The following ABHD1 variants were observed in gnomAD, a reference collection of about 807,000 sequenced individuals.
The protein encoded by ABHD1 is protein ABHD1.
A neutral mutation model predicts 41.4 loss-of-function variants in ABHD1; 47 were observed. That is an observed-to-expected ratio of 1.13 (90% confidence interval 0.90 to 1.45). ABHD1 has a LOEUF of 1.45. Among genes scored for constraint, ABHD1 ranks in the 40% most tolerant of loss-of-function variants. ABHD1 has a pLI of 0.00. For missense variants in ABHD1, 550 were observed against 503.4 expected, an observed-to-expected ratio of 1.09 and a Z score of -0.89; for synonymous variants, 205 against 203.7, an observed-to-expected ratio of 1.01 and a Z score of -0.05.
chr2:27,129,705 C>A, intron 5 of ABHD1, 49 bp from the exon 6 acceptor site: 1 of 1,611,108 alleles, frequency 6.2e-7, no homozygotes, highest in Non-Finnish European at 8.5e-7. Flanking sequence ...CTGTCCCAAC[C>A]CACATTAATG....
At chr2:27,127,236 C>CT (rs61505752) in intron 1 of ABHD1, among the ~76,000 whole-genome samples, 15,860 of 82,696 alleles carry the variant, frequency 0.19, 3,028 homozygotes, top group Non-Finnish European at 0.27. Context: ...GTAGCTTCAT[C>CT]TTTTTTTTTT....
chr2:27,128,690 T>C, intron 2 of ABHD1, 89 bp downstream of exon 2: 1 of 1,534,444 alleles, frequency 6.5e-7, no homozygotes, highest in South Asian at 1.2e-5. Flanking sequence ...GTAATCTGCC[T>C]CATCTACATC....
Position 27,129,966 on chromosome 2 carries a change from T to A in ABHD1, c.791+39T>A, listed in dbSNP as rs1033579262. 2.5e-6 allele frequency: 4 copies of A among 1,612,638 alleles called. No homozygotes were observed. The African/African-American group carries it at 4.0e-5, about 16-fold the overall frequency. On this transcript the variant is annotated intron_variant, in intron 6 of 8. Transcript: ENST00000316470. ...AAGTGGGAGGAGGCAGTAGACAGAG[T>A]AGGATGGCAGACACTCCAGGCTCTC...
At chr2:27,128,868 G>A (rs1301919756) in intron 2 of ABHD1, 77 bp from the exon 3 acceptor site, 2 of 1,502,018 alleles carry the variant, frequency 1.3e-6, no homozygotes, top group Non-Finnish European at 9.0e-7. Flanking sequence ...TTGTTTGTGG[G>A]TGGGGCAGGG....
rs1478109429 is a variant in ABHD1 at position 27,130,397 on chromosome 2, C to A, written c.987C>A (p.Asp329Glu). ...TGCTCTATCTCAGTGCAGCAGATGA[C>A]CCCTTCTCCCCCGTCTGTGGTGAGT... ...IPVLYLSAAD[D>E]PFSPVCALPI... The change falls in exon 8 of 9, where the codon GAC becomes GAA. Residue 329 changes from aspartate to glutamate, a missense_variant. Transcript: ENST00000316470. The A allele has an allele frequency of 6.2e-7, 1 of 1,614,168 alleles. No individual in the cohort carries two copies. Among genetic ancestry groups the A allele is most frequent in the Non-Finnish European group, 8.5e-7 (1 of 1,180,028 alleles).
intron 1 of ABHD1, 52 bp from the exon 2 acceptor site, chr2:27,128,389 C>A: frequency 6.2e-7 from 1 of 1,611,058 alleles, no homozygotes; most frequent in Non-Finnish European, 8.5e-7. Flanking sequence ...GGGTGCCTCA[C>A]TAGCTTGGTG....
rs745366093 is a variant in ABHD1 at position 27,130,778 on chromosome 2, T to C, written c.*34T>C. ...CCATTTGGGGTCTCAGTTCACTCTT[T>C]CCTTGTTTATTAAATATCAACTTTT... is the stretch of plus-strand genomic sequence containing the variant. On this transcript the variant is annotated 3_prime_UTR_variant, in exon 9 of 9. Coordinates refer to ENST00000316470, the MANE Select transcript of ABHD1 (RefSeq NM_032604.4). The C allele has an allele frequency of 2.5e-6, 4 of 1,597,532 alleles. No homozygotes were observed. Among genetic ancestry groups the C allele is most frequent in the African/African-American group, 1.3e-5 (1 of 74,632 alleles).
Position 27,128,971 on chromosome 2 carries a change from G to A in ABHD1, c.302G>A (p.Gly101Asp), listed in dbSNP as rs1672096095. The change falls in exon 3 of 9, where the codon GGC becomes GAC. Residue 101 changes from glycine (G) to aspartate (D), a missense_variant. By Grantham distance (94) the Gly-to-Asp change is moderately conservative. Transcript: ENST00000316470. Reference sequence around the variant, plus strand: ...GACATCCTCCAAACACCAGATGGAGGCCAGCTCCTGCTAGACTGGGCCAAG... The same window carrying A: ...GACATCCTCCAAACACCAGATGGAGACCAGCTCCTGCTAGACTGGGCCAAG... ...QSDILQTPDG[G>D]QLLLDWAKQP... The A allele has an allele frequency of 1.9e-6, 3 of 1,614,018 alleles. No homozygotes were observed. Among genetic ancestry groups the A allele is most frequent in the East Asian group, 2.2e-5 (1 of 44,884 alleles).
Position 27,124,051 on chromosome 2 carries a change from T to C in ABHD1, c.103T>C (p.Cys35Arg), listed in dbSNP as rs550557997. 9.9e-6 allele frequency: 16 copies of C among 1,614,160 alleles called. No homozygotes were observed. Among genetic ancestry groups the C allele is most frequent in the Admixed American group, 6.7e-5 (4 of 60,028 alleles). ...VALYLGYYWA[C>R]VLQRPRLVAG... ...CCTCTACTTGGGCTACTACTGGGCATGTGTGCTTCAGGTGGGTGCGGGTCC... is the reference window on the plus strand; with the variant it reads ...CCTCTACTTGGGCTACTACTGGGCACGTGTGCTTCAGGTGGGTGCGGGTCC... The change falls in exon 1 of 9, where the codon TGT becomes CGT. Residue 35 changes from cysteine (C) to arginine (R), a missense_variant. Transcript: ENST00000316470.
At position 27,129,852 on chromosome 2, in the gene ABHD1, G is replaced by A. The variant is rs754948236; in HGVS notation, c.716G>A (p.Arg239His). Reference sequence around the variant, plus strand: ...TGCTGGGATTCCTTTGAGACCACTCGCTCCCTGGAAACCCCACTCAACTCA... The same window carrying A: ...TGCTGGGATTCCTTTGAGACCACTCACTCCCTGGAAACCCCACTCAACTCA... The part of the protein sequence containing the change: ...SACWDSFETT[R>H]SLETPLNSLL... Residue 239 changes from arginine (R) to histidine (H), a missense_variant, in exon 6 of 9, where the codon CGC becomes CAC. Physicochemically the swap from Arg to His is conservative, Grantham distance 29. Transcript: ENST00000316470. 23 of 1,614,012 alleles carry A rather than the reference G, an allele frequency of 1.4e-5. No individual in the cohort carries two copies. The highest frequency in any genetic ancestry group is 6.6e-5 in the South Asian group (6 of 91,088).
At chr2:27,125,524 A>G (rs1400861855) in intron 1 of ABHD1, 2 of 152,206 alleles carry the variant, frequency 1.3e-5, no homozygotes, top group African/African-American at 4.8e-5. Context: ...AAATCAAATT[A>G]ACCCACATAA....
At chr2:27,130,059 G>A (rs779469800) in intron 6 of ABHD1, 46 bp from the exon 7 acceptor site, 1 of 1,613,104 alleles carries the variant, frequency 6.2e-7, no homozygotes, top group Non-Finnish European at 8.5e-7. Flanking sequence ...CTGGGGGTGG[G>A]GGATCAGATC....
At chr2:27,124,920 C>T (rs894255510) in intron 1 of ABHD1, 10 of 152,264 alleles carry the variant, frequency 6.6e-5, no homozygotes, top group African/African-American at 2.4e-4. Context: ...GCGGGAGGAT[C>T]GCCTGAGGTC....
Position 27,129,537 on chromosome 2 carries a change from C to T in ABHD1, c.528C>T (p.Ser176=). 3 of 1,614,172 alleles carry T rather than the reference C, an allele frequency of 1.9e-6. No individual in the cohort carries two copies. Among genetic ancestry groups the T allele is most frequent in the Non-Finnish European group, 2.5e-6 (3 of 1,180,046 alleles). ...ELRTHRAFCA[S]NTEDLETVVN... ...AGACCCACAGGGCTTTTTGTGCCAG[C>T]AATACTGAAGATCTAGAGACAGTCG... Residue 176 remains serine (S), a synonymous_variant, in exon 5 of 9, where the codon AGC becomes AGT. Coordinates refer to ENST00000316470, the MANE Select transcript of ABHD1 (RefSeq NM_032604.4).
Position 27,130,774 on chromosome 2 carries a change from T to C in ABHD1, c.*30T>C, listed in dbSNP as rs1672216075. On this transcript the variant is annotated 3_prime_UTR_variant, in exon 9 of 9. Transcript: ENST00000316470. ...AGTACCATTTGGGGTCTCAGTTCACTCTTTCCTTGTTTATTAAATATCAAC... is the reference window on the plus strand; with the variant it reads ...AGTACCATTTGGGGTCTCAGTTCACCCTTTCCTTGTTTATTAAATATCAAC... 1 of 1,599,742 alleles carries C rather than the reference T, an allele frequency of 6.3e-7. No homozygotes were observed. Among genetic ancestry groups the C allele is most frequent in the Admixed American group, 1.7e-5 (1 of 59,754 alleles).
chr2:27,126,350 C>A (rs1309694102), intron 1 of ABHD1: 1 of 152,264 alleles, frequency 6.6e-6, no homozygotes, highest in Non-Finnish European at 1.5e-5. Flanking sequence ...AGTGCCTTCA[C>A]ACGACTGACA....
At chr2:27,126,466 A>G (rs1671958862) in intron 1 of ABHD1, 1 of 152,360 alleles carries the variant, frequency 6.6e-6, no homozygotes, top group Non-Finnish European at 1.5e-5. Flanking sequence ...GACTATAGGA[A>G]CTGTACTGGA....
Position 27,129,076 on chromosome 2 carries a change from A to G in ABHD1, c.407A>G (p.Gln136Arg), listed in dbSNP as rs780244890. Residue 136 changes from glutamine (Q) to arginine (R), a missense_variant, in exon 3 of 9, where the codon CAG (glutamine) becomes CGG (arginine). By Grantham distance (43) the Gln-to-Arg change is conservative (BLOSUM62 1). Coordinates refer to ENST00000316470, the MANE Select transcript of ABHD1 (RefSeq NM_032604.4). The stretch of plus-strand genomic sequence containing the variant: ...CTTCCTGGCATCACTGGCAGTAGCC[A>G]GGAGACATACGTCTTGCACCTAGTT... ...LLLPGITGSS[Q>R]ETYVLHLVNQ... is the part of the protein sequence containing the mutation. The G allele has an allele frequency of 3.7e-6, 6 of 1,613,962 alleles. No homozygotes were observed. In the East Asian group the frequency reaches 1.3e-4, roughly 36 times the overall value.
At chr2:27,127,237 T>TTG (rs1491332907) in intron 1 of ABHD1, among the ~76,000 whole-genome samples, 120 of 51,958 alleles carry the variant, frequency 2.3e-3, no homozygotes, top group Non-Finnish European at 4.3e-3. Context: ...TAGCTTCATC[T>TTG]TTTTTTTTTT....
Sources: gnomAD v4.1 joint callset for allele counts (sites outside exome capture counted in the v4.1 genomes callset) on GRCh38, gnomAD v4.1.1 for gene constraint, MANE v1.5 for transcripts, NCBI Gene and HGNC (gene_info 2026-07-23, HGNC 2026-07-21) for gene names.